The following OR9Q1 variants were observed in gnomAD, a reference collection of about 807,000 sequenced individuals.
OR9Q1 encodes the protein olfactory receptor family 9 subfamily Q member 1.
For synonymous variants in OR9Q1, 153 were observed against 148.6 expected (o/e 1.03, Z -0.22); for missense variants, 374 against 378.8 (o/e 0.99, Z 0.11).
chr11:58,104,730 G>A (rs1052180249), intron 2 of OR9Q1, among the ~76,000 whole-genome samples: 1 of 152,112 alleles, frequency 6.6e-6, no homozygotes, highest in African/African-American at 2.4e-5. Context: ...ATGCACTGAA[G>A]CAGTAAATGT....
intron 1 of OR9Q1, among the ~76,000 whole-genome samples, chr11:58,048,694 A>T (rs555294385): frequency 2.1e-4 from 31 of 145,920 alleles, no homozygotes; most frequent in Middle Eastern, 3.6e-3. Context: ...ATATATATAT[A>T]TTTTTTAGCA....
rs556528052 is a variant in OR9Q1 at position 58,119,022 on chromosome 11, G to A, written c.-14-60409G>A. ...CATAGGCTCCTACCACCAGGCTCCA[G>A]CAGAGCCTGGGATTCATGGCCACGG... On this transcript the variant is annotated intron_variant, in intron 2 of 2. Transcript: ENST00000335397. The A allele has an allele frequency of 6.2e-6, 10 of 1,613,898 alleles. No individual in the cohort carries two copies. In the African/African-American group the frequency reaches 6.7e-5, roughly 11 times the overall value.
chr11:58,064,876 A>G (rs541363494), intron 2 of OR9Q1, among the ~76,000 whole-genome samples: 27 of 152,108 alleles, frequency 1.8e-4, no homozygotes, highest in African/African-American at 6.5e-4. Flanking sequence ...TGCTTAAAGA[A>G]GCATTGGGGT....
At chr11:58,070,702 C>T (rs1410593415) in intron 2 of OR9Q1, among the ~76,000 whole-genome samples, 1 of 152,206 alleles carries the variant, frequency 6.6e-6, no homozygotes, top group African/African-American at 2.4e-5. Context: ...TTGCCCTGTA[C>T]AGGCACTGAG....
chr11:58,035,869 T>C (rs1330142566), intron 1 of OR9Q1, among the ~76,000 whole-genome samples: 1 of 151,874 alleles, frequency 6.6e-6, no homozygotes, highest in African/African-American at 2.4e-5. Flanking sequence ...TAATAATCCA[T>C]GTGAATGAAA....
chr11:58,037,677 ATATATATATAT>A (rs1241177068), intron 1 of OR9Q1, among the ~76,000 whole-genome samples: 14 of 32,370 alleles, frequency 4.3e-4, no homozygotes, highest in Non-Finnish European at 6.0e-4. Context: ...ATATATATAT[ATATATATATAT>A]ATTTTTTTTT....
intron 2 of OR9Q1, among the ~76,000 whole-genome samples, chr11:58,141,482 G>A (rs1565088289): frequency 6.6e-6 from 1 of 152,112 alleles, no homozygotes; most frequent in Non-Finnish European, 1.5e-5. Flanking sequence ...ATAATCATAT[G>A]GTTTTTGTCA....
chr11:58,092,226 T>C (rs1853691157), intron 2 of OR9Q1, among the ~76,000 whole-genome samples: 1 of 152,128 alleles, frequency 6.6e-6, no homozygotes, highest in Admixed American at 6.5e-5. Context: ...GTTAATGCAG[T>C]TTCTTCATAG....
At chr11:58,097,636 T>A (rs1393275523) in intron 2 of OR9Q1, among the ~76,000 whole-genome samples, 1 of 152,192 alleles carries the variant, frequency 6.6e-6, no homozygotes, top group Non-Finnish European at 1.5e-5. Flanking sequence ...GCGTCATATA[T>A]CCACACACAG....
chr11:58,044,108 G>C (rs1590552497), intron 1 of OR9Q1: 1 of 152,268 alleles, frequency 6.6e-6, no homozygotes, highest in East Asian at 1.9e-4. Flanking sequence ...ACAAACTCAT[G>C]GTTGATAAAA....
rs368470435 is a variant in OR9Q1 at position 58,178,606 on chromosome 11, C to T, written c.-14-825C>T. On this transcript the variant is annotated intron_variant, in intron 2 of 2. Transcript: ENST00000335397. ...GAGAAAAAGGGATAGAGTCCTGACA[C>T]GGATATTACAATGGTAGGCAAGAGA... Among the ~76,000 whole-genome samples the T allele has an allele frequency of 2.1e-4, 32 of 152,030 alleles. No individual in the cohort carries two copies. In the East Asian group the frequency reaches 3.3e-3, roughly 16 times the overall value.
chr11:58,031,695 AC>A, intron 1 of OR9Q1: 1 of 1,613,972 alleles, frequency 6.2e-7, no homozygotes, highest in African/African-American at 1.3e-5. Context: ...TGTGCAGCTC[AC>A]CTGACTGTGG....
intron 2 of OR9Q1, among the ~76,000 whole-genome samples, chr11:58,060,476 C>T (rs1853369572): frequency 6.6e-6 from 1 of 152,160 alleles, no homozygotes; most frequent in Non-Finnish European, 1.5e-5. Flanking sequence ...GCCCTCCTGC[C>T]TAAGGAAAGC....
chr11:58,128,530 T>G (rs1280718868), intron 2 of OR9Q1, among the ~76,000 whole-genome samples: 3 of 152,104 alleles, frequency 2.0e-5, no homozygotes, highest in African/African-American at 7.2e-5. Flanking sequence ...TTGAACAGTA[T>G]CTCACAGCTT....
rs144952749 is a variant in OR9Q1 at position 58,132,789 on chromosome 11, G to A, written c.-14-46642G>A. 9.3e-3 allele frequency among the ~76,000 whole-genome samples: 1,418 copies of A among 152,328 alleles called. 9 individuals carry two copies. Among genetic ancestry groups the A allele is most frequent in the Non-Finnish European group, 0.015 (993 of 68,024 alleles). On this transcript the variant is annotated intron_variant, in intron 2 of 2. Transcript: ENST00000335397. ...AGATTGAGAAAGCAAACTTTGCAGA[G>A]GCCCTTTTCTGAAGATTTCTTTCCT... is the stretch of plus-strand genomic sequence containing the variant.
At chr11:58,103,534 A>G (rs913901802) in intron 2 of OR9Q1, among the ~76,000 whole-genome samples, 1 of 152,032 alleles carries the variant, frequency 6.6e-6, no homozygotes, top group Admixed American at 6.6e-5. Flanking sequence ...ATTTTCTTGT[A>G]TCTCACTGAA....
intron 1 of OR9Q1, among the ~76,000 whole-genome samples, chr11:58,052,840 A>G (rs1048834542): frequency 7.3e-5 from 11 of 151,406 alleles, no homozygotes; most frequent in African/African-American, 2.7e-4. Flanking sequence ...CAAAAAACAC[A>G]TGAAAAAATG....
chr11:58,089,126 C>A (rs1348264024), intron 2 of OR9Q1, among the ~76,000 whole-genome samples: 1 of 151,754 alleles, frequency 6.6e-6, no homozygotes, highest in Non-Finnish European at 1.5e-5. Context: ...GATTCACCCA[C>A]CTCGGCTTCC....
At chr11:58,086,433 G>C (rs915489512) in intron 2 of OR9Q1, among the ~76,000 whole-genome samples, 1 of 151,744 alleles carries the variant, frequency 6.6e-6, no homozygotes, top group African/African-American at 2.4e-5. Context: ...CAGCCATTAT[G>C]GAAAACAGTA....
Sources: gnomAD v4.1 joint callset for allele counts (sites outside exome capture counted in the v4.1 genomes callset) on GRCh38, gnomAD v4.1.1 for gene constraint, MANE v1.5 for transcripts, NCBI Gene and HGNC (gene_info 2026-07-23, HGNC 2026-07-21) for gene names.